SEC24D: variants seen among roughly 807,000 people sequenced by gnomAD.
SEC24D encodes protein transport protein Sec24D.
A neutral mutation model predicts 116.9 loss-of-function variants in SEC24D; 69 were observed. The observed-to-expected ratio is 0.59, with a 90% CI of 0.49 to 0.72. SEC24D has a LOEUF of 0.72. Among genes scored for constraint, SEC24D ranks in the 30% least tolerant of loss-of-function variants. The probability of loss-of-function intolerance (pLI) is 0.00; values close to 1 mark genes in which losing one functional copy is unlikely to be tolerated. For synonymous variants in SEC24D, 405 were observed against 442.8 expected, an observed-to-expected ratio of 0.91 and a Z score of 1.07; for missense variants, 1,131 against 1,264.1, an observed-to-expected ratio of 0.89 and a Z score of 1.60.
At chr4:118,811,955 C>T (rs919916388) in intron 6 of SEC24D, among the ~76,000 whole-genome samples, 2 of 152,186 alleles carry the variant, frequency 1.3e-5, no homozygotes, top group African/African-American at 2.4e-5. Flanking sequence ...TGCCCCTCCT[C>T]CCATCAAGAG....
At chr4:118,824,553 T>G in intron 3 of SEC24D, 67 bp downstream of exon 3, 1 of 1,520,940 alleles carries the variant, frequency 6.6e-7, no homozygotes, top group South Asian at 1.2e-5. Context: ...ACATACAAGC[T>G]TAGAAGGTAT....
intron 8 of SEC24D, among the ~76,000 whole-genome samples, chr4:118,781,410 T>C (rs998081324): frequency 6.6e-5 from 10 of 152,232 alleles, no homozygotes; most frequent in Non-Finnish European, 1.0e-4. Flanking sequence ...ATGTTGAATA[T>C]TGGCCCCCAC....
chr4:118,804,230 C>T (rs182226464), intron 7 of SEC24D, among the ~76,000 whole-genome samples: 1 of 152,278 alleles, frequency 6.6e-6, no homozygotes, highest in Admixed American at 6.5e-5. Flanking sequence ...GAGAGTCATA[C>T]ATTCCAAGTA....
At position 118,723,367 on chromosome 4, in the gene SEC24D, G is replaced by A. The variant is rs1186310846; in HGVS notation, c.*148C>T. On this transcript the variant is annotated 3_prime_UTR_variant, in exon 23 of 23. Coordinates refer to ENST00000280551, the MANE Select transcript of SEC24D (RefSeq NM_014822.4). Reference sequence around the variant, plus strand: ...ATTGGCTTTATACCTGAGCACCAAAGCTGAAGTTCTAAATGCCATCTCTTC... The same window carrying A: ...ATTGGCTTTATACCTGAGCACCAAAACTGAAGTTCTAAATGCCATCTCTTC... 1 of 734,704 alleles carries A rather than the reference G, an allele frequency of 1.4e-6. No homozygotes were observed. Among genetic ancestry groups the A allele is most frequent in the African/African-American group, 1.8e-5 (1 of 56,554 alleles). 45.5% of individuals were successfully genotyped at this position (734,704 alleles called of 1,614,324 possible).
chr4:118,834,913 A>G (rs1731027139), intron 1 of SEC24D, among the ~76,000 whole-genome samples: 1 of 152,222 alleles, frequency 6.6e-6, no homozygotes, highest in South Asian at 2.1e-4. Context: ...TTGAAGCCTA[A>G]AATTTGTGAT....
At chr4:118,794,074 A>G (rs1281723795) in intron 8 of SEC24D, among the ~76,000 whole-genome samples, 3 of 152,220 alleles carry the variant, frequency 2.0e-5, no homozygotes, top group African/African-American at 7.2e-5. Context: ...AAAAGATCCT[A>G]TGTTACTGGG....
At chr4:118,803,927 A>G (rs1241932088) in intron 7 of SEC24D, among the ~76,000 whole-genome samples, 1 of 151,384 alleles carries the variant, frequency 6.6e-6, no homozygotes. Flanking sequence ...GTTAATTTGT[A>G]TATTTTTATT....
At position 118,836,033 on chromosome 4, in the gene SEC24D, C is replaced by A. The variant is rs1043298532; in HGVS notation, c.-134G>T. On this transcript the variant is annotated 5_prime_UTR_variant, in exon 1 of 23. Transcript: ENST00000280551. The stretch of plus-strand genomic sequence containing the variant: ...TCGGTGGCCGGGCTCCCGCTGCGGT[C>A]GCTTCTCCCGCCGCGCCTCTTCCCC... The A allele has an allele frequency of 6.6e-6, 1 of 152,248 alleles. No homozygotes were observed. The allele number at this position is 152,248 out of a possible 1,614,324, so 9.4% of individuals were successfully genotyped here. A position where few individuals can be genotyped will look rare whatever the true frequency, so the allele number is the denominator to read the frequency against.
chr4:118,820,488 T>A (rs184020077), intron 3 of SEC24D, among the ~76,000 whole-genome samples: 3 of 152,320 alleles, frequency 2.0e-5, no homozygotes, highest in Admixed American at 1.3e-4. Context: ...CAATATTTTT[T>A]AATTTCATTA....
At chr4:118,773,226 C>T (rs1727989397) in intron 8 of SEC24D, among the ~76,000 whole-genome samples, 1 of 151,576 alleles carries the variant, frequency 6.6e-6, no homozygotes, top group African/African-American at 2.4e-5. Context: ...CCCCACAGCA[C>T]CAATATTCTA....
At chr4:118,765,382 TCTTTTAATGTTTGCG>T (rs1727596674) in intron 9 of SEC24D, among the ~76,000 whole-genome samples, 1 of 152,248 alleles carries the variant, frequency 6.6e-6, no homozygotes, top group South Asian at 2.1e-4. Flanking sequence ...TGCATGGTAA[TCTTTTAATGTTTGCG>T]CTTAAGAGTG....
Position 118,775,659 on chromosome 4 carries a change from C to A in SEC24D, c.1042-7348G>T, listed in dbSNP as rs566774259. Among the ~76,000 whole-genome samples, 4 of 152,216 alleles carry A rather than the reference C, an allele frequency of 2.6e-5. No individual in the cohort carries two copies. The South Asian group carries it at 6.2e-4, about 24-fold the overall frequency. ...AGACAGACAGACAGACGCATACACA[C>A]CCCTACCTAAAATCTGTTGTTACTA... is the stretch of plus-strand genomic sequence containing the variant. On this transcript the variant is annotated intron_variant, in intron 8 of 22. Coordinates refer to ENST00000280551, the MANE Select transcript of SEC24D (RefSeq NM_014822.4).
At chr4:118,787,976 C>T (rs796566147) in intron 8 of SEC24D, among the ~76,000 whole-genome samples, 19 of 152,232 alleles carry the variant, frequency 1.2e-4, no homozygotes, top group African/African-American at 3.6e-4. Context: ...CTGTACTTGG[C>T]TACTTAAAAA....
chr4:118,777,999 G>A (rs1235269085), intron 8 of SEC24D, among the ~76,000 whole-genome samples: 3 of 152,134 alleles, frequency 2.0e-5, no homozygotes, highest in African/African-American at 7.2e-5. Flanking sequence ...GTAGATTCTG[G>A]ATATTAGCCC....
chr4:118,816,374 A>T (rs1216956502), intron 4 of SEC24D, among the ~76,000 whole-genome samples: 1 of 152,178 alleles, frequency 6.6e-6, no homozygotes, highest in Non-Finnish European at 1.5e-5. Context: ...ATCATATAAA[A>T]ATTCTATTAC....
chr4:118,796,585 G>A (rs751055931), intron 8 of SEC24D, among the ~76,000 whole-genome samples: 1 of 152,046 alleles, frequency 6.6e-6, no homozygotes, highest in Non-Finnish European at 1.5e-5. Context: ...GATCCCAAAG[G>A]GCATGAAAGC....
chr4:118,817,539 T>C (rs1472558015), intron 3 of SEC24D, 127 bp from the exon 4 acceptor site: 6 of 656,366 alleles, frequency 9.1e-6, no homozygotes, highest in Non-Finnish European at 1.5e-5. Context: ...ACTGATATTA[T>C]ATACTAAATC....
intron 19 of SEC24D, among the ~76,000 whole-genome samples, chr4:118,734,507 C>T (rs1578379307): frequency 3.3e-5 from 5 of 152,216 alleles, no homozygotes; most frequent in Admixed American, 3.3e-4. Flanking sequence ...GCCACCATGC[C>T]TGGCTTAGTT....
chr4:118,821,420 G>A lies in SEC24D; in HGVS notation c.248+3200C>T, dbSNP rs560367441. On this transcript the variant is annotated intron_variant, in intron 3 of 22. Coordinates refer to ENST00000280551, the MANE Select transcript of SEC24D (RefSeq NM_014822.4). ...ATTTTATTTAATATCCTACCCAGTA[G>A]TAACTCTATGTAGATAACTTTAGCA... Among the ~76,000 whole-genome samples the A allele has an allele frequency of 3.3e-5, 5 of 152,276 alleles. No homozygotes were observed. In the East Asian group the frequency reaches 9.6e-4, roughly 29 times the overall value.
Sources: allele counts gnomAD v4.1 joint callset (sites outside exome capture counted in the v4.1 genomes callset), GRCh38; gene constraint gnomAD v4.1.1; transcripts MANE v1.5; gene names NCBI Gene and HGNC (gene_info 2026-07-23, HGNC 2026-07-21).